Variants in AFG2A observed in about 807,000 individuals in gnomAD.
AFG2A encodes the protein ATPase family gene 2 protein homolog A.
At chr4:123,028,571 G>A in the AFG2A span, among the ~76,000 whole-genome samples, 1 of 151,946 alleles carries the variant, frequency 6.6e-6, no homozygotes, top group African/African-American at 2.4e-5. Flanking sequence ...AAATAAATTC[G>A]TGCATGTAAT....
At chr4:123,288,845 G>A in the AFG2A span, among the ~76,000 whole-genome samples, 2 of 152,138 alleles carry the variant, frequency 1.3e-5, no homozygotes, top group African/African-American at 4.8e-5. Flanking sequence ...TTCAACCCCT[G>A]TCACATTCAG....
the AFG2A span, among the ~76,000 whole-genome samples, chr4:123,121,678 T>C: frequency 6.6e-6 from 1 of 152,220 alleles, no homozygotes; most frequent in South Asian, 2.1e-4. Context: ...GGGTAGACTA[T>C]ACCATCTAGG....
chr4:123,166,910 G>C, the AFG2A span, among the ~76,000 whole-genome samples: 1 of 151,984 alleles, frequency 6.6e-6, no homozygotes, highest in Non-Finnish European at 1.5e-5. Context: ...TTATAGAAAG[G>C]AGTATATACT....
the AFG2A span, among the ~76,000 whole-genome samples, chr4:123,073,740 G>T: frequency 6.6e-6 from 1 of 152,138 alleles, no homozygotes; most frequent in Admixed American, 6.5e-5. Context: ...TAAAGAAAAG[G>T]AAAGGCAAAA....
chr4:123,092,270 C>T, the AFG2A span, among the ~76,000 whole-genome samples: 3 of 152,268 alleles, frequency 2.0e-5, no homozygotes, highest in African/African-American at 4.8e-5. Context: ...ATAAAGGGTG[C>T]TGAATCCAGA....
At chr4:122,955,264 G>A in the AFG2A span, among the ~76,000 whole-genome samples, 1 of 152,064 alleles carries the variant, frequency 6.6e-6, no homozygotes, top group South Asian at 2.1e-4. Context: ...CCTTCACGTG[G>A]CAACCCTCCT....
chr4:122,943,398 T>C, the AFG2A span, among the ~76,000 whole-genome samples: 1 of 152,224 alleles, frequency 6.6e-6, no homozygotes, highest in African/African-American at 2.4e-5. Flanking sequence ...AATGGCCTTC[T>C]TTGTCTCTTT....
chr4:123,181,198 A>G, the AFG2A span, among the ~76,000 whole-genome samples: 1 of 151,794 alleles, frequency 6.6e-6, no homozygotes, highest in Non-Finnish European at 1.5e-5. Context: ...GTTAGCCAGG[A>G]TGGTCTCGAT....
At chr4:122,947,278 C>G in the AFG2A span, 1 of 1,611,558 alleles carries the variant, frequency 6.2e-7, no homozygotes, top group Non-Finnish European at 8.5e-7. Context: ...CACAAATCGC[C>G]CTCATGCCTT....
chr4:123,296,127 G>C, the AFG2A span, among the ~76,000 whole-genome samples: 1 of 150,570 alleles, frequency 6.6e-6, no homozygotes, highest in Non-Finnish European at 1.5e-5. Flanking sequence ...GAAAAGAAGA[G>C]CAGCCATACA....
At chr4:123,031,647 C>T in the AFG2A span, among the ~76,000 whole-genome samples, 1 of 152,180 alleles carries the variant, frequency 6.6e-6, no homozygotes, top group Admixed American at 6.5e-5. Context: ...ATTCTCTAGC[C>T]AGTTAGGAAA....
At chr4:123,192,713 C>G in the AFG2A span, among the ~76,000 whole-genome samples, 32 of 152,314 alleles carry the variant, frequency 2.1e-4, no homozygotes, top group East Asian at 2.5e-3. Flanking sequence ...CTTCTCTCCC[C>G]CTGTGGCCCA....
the AFG2A span, among the ~76,000 whole-genome samples, chr4:123,237,527 G>T: frequency 2.0e-5 from 3 of 151,966 alleles, no homozygotes; most frequent in African/African-American, 4.8e-5. Context: ...ACAAAAATTA[G>T]CCAGGTGTGG....
the AFG2A span, among the ~76,000 whole-genome samples, chr4:122,962,466 A>G: frequency 4.6e-5 from 7 of 152,278 alleles, no homozygotes; most frequent in East Asian, 1.2e-3. Context: ...AATTATTTTT[A>G]TCAGTGAAGT....
chr4:123,122,061 T>C, the AFG2A span, among the ~76,000 whole-genome samples: 1 of 152,196 alleles, frequency 6.6e-6, no homozygotes, highest in South Asian at 2.1e-4. Context: ...TGTTTGATTA[T>C]TTGTTGTTTT....
At chr4:123,102,812 G>GTGTGTA in the AFG2A span, among the ~76,000 whole-genome samples, 1 of 150,920 alleles carries the variant, frequency 6.6e-6, no homozygotes, top group Non-Finnish European at 1.5e-5. Context: ...GTGTGTGTGT[G>GTGTGTA]TGTGTGTGTG....
At chr4:123,015,392 G>C in the AFG2A span, among the ~76,000 whole-genome samples, 19 of 151,838 alleles carry the variant, frequency 1.3e-4, no homozygotes, top group African/African-American at 4.3e-4. Context: ...GACTCTTAAC[G>C]AGCATGCTGC....
At chr4:123,060,498 C>T in the AFG2A span, among the ~76,000 whole-genome samples, 113 of 152,348 alleles carry the variant, frequency 7.4e-4, no homozygotes, top group African/African-American at 2.5e-3. Flanking sequence ...CATGTGGAAG[C>T]TGCCAAGGCT....
chr4:123,180,240 CAAAACTT>C, the AFG2A span, among the ~76,000 whole-genome samples: 1 of 152,010 alleles, frequency 6.6e-6, no homozygotes. Context: ...ACAACAACAA[CAAAACTT>C]AGTATGTAAC....
Sources: allele counts gnomAD v4.1 joint callset (sites outside exome capture counted in the v4.1 genomes callset), GRCh38; gene constraint gnomAD v4.1.1; transcripts MANE v1.5; gene names NCBI Gene and HGNC (gene_info 2026-07-23, HGNC 2026-07-21).